Variants in GPHN observed in about 807,000 individuals in gnomAD.
GPHN encodes the protein gephyrin.
Under a neutral mutation model 95.5 loss-of-function variants are expected in GPHN, and 17 were observed. That is an observed-to-expected ratio of 0.18 (90% confidence interval 0.12 to 0.27). The LOEUF is 0.27. Ranked by LOEUF, GPHN falls within the 10% of genes least tolerant of loss-of-function variation. GPHN has a pLI of 1.00. For synonymous variants in GPHN, 320 were observed against 322.5 expected, an observed-to-expected ratio of 0.99 and a Z score of 0.08; for missense variants, 660 against 978.1, an observed-to-expected ratio of 0.67 and a Z score of 4.34.
chr14:66,999,261 A>G (rs112639559), intron 9 of GPHN, among the ~76,000 whole-genome samples: 2,199 of 151,576 alleles, frequency 0.015, 52 homozygotes, highest in African/African-American at 0.05. Context: ...AGATGCACCT[A>G]TAAGATACAA....
intron 1 of GPHN, among the ~76,000 whole-genome samples, chr14:66,516,465 C>T (rs1173213736): frequency 6.6e-6 from 1 of 152,180 alleles, no homozygotes; most frequent in Non-Finnish European, 1.5e-5. Context: ...TTGGGAACCA[C>T]ATAAACTTGC....
At chr14:67,443,898 C>A in the GPHN span, among the ~76,000 whole-genome samples, 1 of 152,190 alleles carries the variant, frequency 6.6e-6, no homozygotes, top group African/African-American at 2.4e-5. Context: ...CCCTAAATCA[C>A]TAAGCTAAAG....
At chr14:67,188,213 A>G in the GPHN span, among the ~76,000 whole-genome samples, 2 of 152,180 alleles carry the variant, frequency 1.3e-5, no homozygotes, top group Non-Finnish European at 2.9e-5. Flanking sequence ...AAAGTGCCAC[A>G]AATTCAGACT....
chr14:67,230,553 C>CAG, the GPHN span, among the ~76,000 whole-genome samples: 1 of 151,728 alleles, frequency 6.6e-6, no homozygotes, highest in Non-Finnish European at 1.5e-5. Flanking sequence ...GCCTGGGTGA[C>CAG]AGAGCAAGAC....
At chr14:67,323,221 A>G in the GPHN span, among the ~76,000 whole-genome samples, 2 of 111,456 alleles carry the variant, frequency 1.8e-5, no homozygotes, top group Non-Finnish European at 3.4e-5. Flanking sequence ...ACATATATAC[A>G]CATATATACA....
At chr14:67,340,536 AT>A in the GPHN span, 103 of 1,439,882 alleles carry the variant, frequency 7.2e-5, no homozygotes, top group African/African-American at 1.3e-3. Context: ...AAAAAAAAAA[AT>A]AATATGTGTG....
At chr14:67,288,106 G>A in the GPHN span, among the ~76,000 whole-genome samples, 2 of 152,072 alleles carry the variant, frequency 1.3e-5, no homozygotes, top group South Asian at 4.1e-4. Context: ...TCGAGACAGA[G>A]TCTCACTCTG....
chr14:66,573,326 C>G (rs1343769704), intron 1 of GPHN, among the ~76,000 whole-genome samples: 1 of 151,948 alleles, frequency 6.6e-6, no homozygotes, highest in Non-Finnish European at 1.5e-5. Flanking sequence ...GTTTTGCTGT[C>G]TATTTCTCCA....
At chr14:66,794,802 A>G (rs778207448) in intron 3 of GPHN, among the ~76,000 whole-genome samples, 1 of 152,232 alleles carries the variant, frequency 6.6e-6, no homozygotes, top group Non-Finnish European at 1.5e-5. Flanking sequence ...ATATATGTAC[A>G]TTAGGACAAA....
the GPHN span, among the ~76,000 whole-genome samples, chr14:67,308,414 A>G: frequency 6.6e-6 from 1 of 151,780 alleles, no homozygotes; most frequent in Non-Finnish European, 1.5e-5. Flanking sequence ...AGCTAATCCC[A>G]AAGTTGTCTC....
intron 9 of GPHN, among the ~76,000 whole-genome samples, chr14:67,009,348 A>G (rs1466253708): frequency 6.6e-6 from 1 of 152,196 alleles, no homozygotes; most frequent in East Asian, 1.9e-4. Context: ...GCTCACAGGA[A>G]TATAGGAGAG....
the GPHN span, chr14:67,323,933 G>A: frequency 1.7e-6 from 1 of 581,756 alleles, no homozygotes; most frequent in African/African-American, 2.0e-5. Flanking sequence ...TATTTTTTCT[G>A]TAATATTACT....
At chr14:67,445,520 C>G in the GPHN span, among the ~76,000 whole-genome samples, 1 of 148,368 alleles carries the variant, frequency 6.7e-6, no homozygotes, top group Non-Finnish European at 1.5e-5. Flanking sequence ...AAAAAACATG[C>G]AGAGAGAAAT....
chr14:67,299,636 A>C, the GPHN span, among the ~76,000 whole-genome samples: 2 of 152,186 alleles, frequency 1.3e-5, no homozygotes, highest in African/African-American at 4.8e-5. Context: ...ATAGCCTTTT[A>C]ATTCCTTAAC....
chr14:67,689,959 T>G, the GPHN span: 2 of 381,802 alleles, frequency 5.2e-6, no homozygotes, highest in African/African-American at 2.1e-5. Context: ...AAAAAAAAAG[T>G]TAAGTAACTT....
intron 9 of GPHN, among the ~76,000 whole-genome samples, chr14:66,966,596 A>G (rs1171091498): frequency 2.6e-5 from 4 of 152,044 alleles, no homozygotes; most frequent in African/African-American, 7.2e-5. Flanking sequence ...CTTTTATATT[A>G]TTAAAACAAA....
At chr14:67,651,394 G>A in the GPHN span, 1 of 1,613,870 alleles carries the variant, frequency 6.2e-7, no homozygotes, top group Non-Finnish European at 8.5e-7. Context: ...TTCAATGGCT[G>A]CGAAAGAATT....
intron 1 of GPHN, among the ~76,000 whole-genome samples, chr14:66,679,548 T>C (rs530131163): frequency 1.3e-5 from 2 of 152,344 alleles, no homozygotes; most frequent in South Asian, 4.1e-4. Flanking sequence ...CCTCACTTTC[T>C]GTCTGCTTTA....
the GPHN span, among the ~76,000 whole-genome samples, chr14:67,689,926 C>CA: frequency 8.6e-5 from 13 of 151,276 alleles, no homozygotes; most frequent in African/African-American, 2.7e-4. Context: ...GCATGGGTGA[C>CA]AGAGCAAGAT....
Sources: gnomAD v4.1 joint callset for allele counts (sites outside exome capture counted in the v4.1 genomes callset) on GRCh38, gnomAD v4.1.1 for gene constraint, MANE v1.5 for transcripts, NCBI Gene and HGNC (gene_info 2026-07-23, HGNC 2026-07-21) for gene names.